EHMT1: variants seen among roughly 807,000 people sequenced by gnomAD.
EHMT1 encodes euchromatic histone lysine methyltransferase 1.
In EHMT1, 15 loss-of-function variants were observed where a neutral mutation model predicts 147.2. That is an observed-to-expected ratio of 0.10 (90% CI 0.07 to 0.16). The LOEUF is 0.16. Among genes scored for constraint, EHMT1 ranks in the 10% least tolerant of loss-of-function variants. EHMT1 has a pLI of 1.00. For synonymous variants in EHMT1, 795 were observed against 709.6 expected (o/e 1.12, Z -1.91); for missense variants, 1,587 against 1,772.4 (o/e 0.90, Z 1.88).
intron 1 of EHMT1, among the ~76,000 whole-genome samples, chr9:137,635,663 A>T (rs1314731608): frequency 6.6e-6 from 1 of 151,178 alleles, no homozygotes; most frequent in Non-Finnish European, 1.5e-5. Context: ...TACTAAAAAT[A>T]CAAAAAATTA....
chr9:137,744,441 C>T (rs553448681), intron 6 of EHMT1, among the ~76,000 whole-genome samples: 288 of 152,242 alleles, frequency 1.9e-3, no homozygotes, highest in Non-Finnish European at 3.5e-3. Context: ...ATCCCAGCCC[C>T]CCGAGCAGCT....
In EHMT1 at chr9:137,717,253, T is replaced by C. The variant is rs887393386; in HGVS notation, c.642+71T>C. 5 of 1,562,690 alleles carry C rather than the reference T, an allele frequency of 3.2e-6. No individual in the cohort carries two copies. The African/African-American group carries it at 5.4e-5, about 17-fold the overall frequency. On this transcript the variant is annotated intron_variant, in intron 3 of 26. Coordinates refer to ENST00000460843, the MANE Select transcript of EHMT1 (RefSeq NM_024757.5). ...TGTTTTAATAACGGCAAATGGACTT[T>C]GGTGCATTGAGGAGAAGCCAGTAAG...
intron 4 of EHMT1, among the ~76,000 whole-genome samples, chr9:137,736,027 A>C (rs1462113611): frequency 3.9e-5 from 6 of 152,202 alleles, no homozygotes; most frequent in Admixed American, 1.3e-4. Flanking sequence ...GAGAAAAAAA[A>C]CAGATGATCC....
chr9:137,792,945 C>T (rs879528586), intron 16 of EHMT1, among the ~76,000 whole-genome samples: 2 of 152,194 alleles, frequency 1.3e-5, no homozygotes, highest in Admixed American at 6.5e-5. Flanking sequence ...CACGCACTCA[C>T]GTTCGTAGGG....
At chr9:137,779,215 C>T (rs1403685868) in intron 13 of EHMT1, among the ~76,000 whole-genome samples, 1 of 152,240 alleles carries the variant, frequency 6.6e-6, no homozygotes. Context: ...CCGCCCAGGA[C>T]ATCTTCTGTA....
intron 15 of EHMT1, among the ~76,000 whole-genome samples, chr9:137,790,343 T>C (rs912473515): frequency 3.3e-5 from 5 of 152,220 alleles, no homozygotes; most frequent in Non-Finnish European, 7.3e-5. Flanking sequence ...TGCCAGTTAA[T>C]TGGTCTTTCA....
At position 137,803,365 on chromosome 9, in the gene EHMT1, G is replaced by A. The variant is rs59672293; in HGVS notation, c.2712+2381G>A. 0.032 allele frequency: 30,172 copies of A among 939,088 alleles called. 6,576 individuals are homozygous for A. In the African/African-American group the frequency reaches 0.48, roughly 15 times the overall value. The allele number at this position is 939,088 out of a possible 1,614,324, so 58.2% of individuals were successfully genotyped here. A position where few individuals can be genotyped will look rare whatever the true frequency, so the allele number is the denominator to read the frequency against. On this transcript the variant is annotated intron_variant, in intron 18 of 26. Transcript: ENST00000460843. ...TGATGATCTTCAGGTGATCCTCCGC[G>A]CTTCACAGCCATGCCCAGCCCACCC...
intron 1 of EHMT1, among the ~76,000 whole-genome samples, chr9:137,620,694 G>T (rs1842900976): frequency 6.6e-6 from 1 of 152,192 alleles, no homozygotes; most frequent in Non-Finnish European, 1.5e-5. Context: ...TGCCCGTCCT[G>T]TTGTTTCCTG....
At chr9:137,796,593 A>G (rs2137250856) in intron 16 of EHMT1, among the ~76,000 whole-genome samples, 1 of 149,812 alleles carries the variant, frequency 6.7e-6, no homozygotes, top group African/African-American at 2.5e-5. Flanking sequence ...AGTCCCAGCT[A>G]CTCGGGAGGC....
At chr9:137,809,908 C>CCCT (rs1168173401) in intron 18 of EHMT1, among the ~76,000 whole-genome samples, 50 of 135,504 alleles carry the variant, frequency 3.7e-4, no homozygotes, top group African/African-American at 1.5e-3. Context: ...CCGATGCCGC[C>CCCT]CTGTGTGGAC....
chr9:137,817,791 C>T (rs948954507), intron 24 of EHMT1: 3 of 622,236 alleles, frequency 4.8e-6, no homozygotes, highest in East Asian at 5.5e-5. Flanking sequence ...AGGCGTGGTC[C>T]AGCATGGGCA....
chr9:137,761,693 G>A (rs1588574796), intron 9 of EHMT1, among the ~76,000 whole-genome samples: 1 of 152,052 alleles, frequency 6.6e-6, no homozygotes, highest in Non-Finnish European at 1.5e-5. Flanking sequence ...TCCTGACCTC[G>A]TGATCTGCCC....
intron 1 of EHMT1, among the ~76,000 whole-genome samples, chr9:137,628,901 T>G (rs144311676): frequency 6.6e-6 from 1 of 152,304 alleles, no homozygotes; most frequent in East Asian, 1.9e-4. Flanking sequence ...CACATTTTAT[T>G]GAGTTTTTCT....
At position 137,717,163 on chromosome 9, in the gene EHMT1, C is replaced by T. The variant is rs776711228; in HGVS notation, c.623C>T (p.Pro208Leu). 22 of 1,612,180 alleles carry T rather than the reference C, an allele frequency of 1.4e-5. No homozygotes were observed. Among genetic ancestry groups the T allele is most frequent in the East Asian group, 2.2e-5 (1 of 44,892 alleles). The change falls in exon 3 of 27, where the codon CCG becomes CTG. Residue 208 changes from proline to leucine, a missense_variant. By Grantham distance (98) the Pro-to-Leu change is moderately conservative. Around this residue, in one of 7 missense-constraint regions of EHMT1, gnomAD observed 810 missense variants for 673.0 expected, o/e 1.20. Coordinates refer to ENST00000460843, the MANE Select transcript of EHMT1 (RefSeq NM_024757.5). Reference protein sequence around the residue: ...VKVHRARKTMPKSVVGLHAAS... With the variant: ...VKVHRARKTMLKSVVGLHAAS... ...GTCCACAGGGCACGCAAGACCATGC[C>T]GAAGTCCGTCGTGGGCCTGGTAATT... is the stretch of plus-strand genomic sequence containing the variant.
chr9:137,752,490 A>G (rs1949045761), intron 7 of EHMT1, 82 bp downstream of exon 7: 1 of 1,513,340 alleles, frequency 6.6e-7, no homozygotes, highest in Non-Finnish European at 9.0e-7. Context: ...TCTTTACCCA[A>G]CAACCCTTGT....
In EHMT1 at chr9:137,779,646, T is replaced by C; in HGVS notation, c.2204T>C (p.Leu735Pro). ...TGTGCTTCCCACAGACCCAAGAAGCTTCGCTTCCACCCAAAGCAGCTGTAC... is the reference window on the plus strand; with the variant it reads ...TGTGCTTCCCACAGACCCAAGAAGCCTCGCTTCCACCCAAAGCAGCTGTAC... The part of the protein sequence containing the change: ...IALDSEKPKK[L>P]RFHPKQLYFS... Residue 735 changes from leucine to proline, a missense_variant, in exon 14 of 27, where the codon CTT becomes CCT. Transcript: ENST00000460843. The C allele has an allele frequency of 6.2e-7, 1 of 1,613,974 alleles. No homozygotes were observed.
chr9:137,799,043 C>T, intron 17 of EHMT1, 129 bp downstream of exon 17: 1 of 769,850 alleles, frequency 1.3e-6, no homozygotes, highest in Non-Finnish European at 2.2e-6. Context: ...AGCTCGGGCC[C>T]TCCAGCGTCC....
At chr9:137,635,603 G>A (rs934676416) in intron 1 of EHMT1, among the ~76,000 whole-genome samples, 13 of 151,394 alleles carry the variant, frequency 8.6e-5, no homozygotes, top group Admixed American at 2.6e-4. Flanking sequence ...GGTGGATCAC[G>A]AGGTCAGGAG....
At chr9:137,706,573 G>A (rs1944288974) in intron 1 of EHMT1, among the ~76,000 whole-genome samples, 2 of 152,204 alleles carry the variant, frequency 1.3e-5, no homozygotes, top group African/African-American at 2.4e-5. Flanking sequence ...TGCAACCTCC[G>A]CCTCCTGGGT....
Sources: allele counts gnomAD v4.1 joint callset (sites outside exome capture counted in the v4.1 genomes callset), GRCh38; gene constraint gnomAD v4.1.1; regional missense constraint gnomAD v4.1.1; transcripts MANE v1.5; gene names NCBI Gene and HGNC (gene_info 2026-07-23, HGNC 2026-07-21).